The following PACSIN2 variants were observed in gnomAD, a reference collection of about 807,000 sequenced individuals.
The protein encoded by PACSIN2 is protein kinase C and casein kinase substrate in neurons 2, also known as protein kinase C and casein kinase substrate in neurons protein 2.
Under a neutral mutation model 63.8 loss-of-function variants are expected in PACSIN2, and 25 were observed. The ratio of observed to expected loss-of-function variants is 0.39; its 90% CI spans 0.29 to 0.55. PACSIN2 has a LOEUF of 0.55. PACSIN2 is among the 20% of genes least tolerant of loss of function. PACSIN2 has a pLI of 0.62. For synonymous variants in PACSIN2, 255 were observed against 256.2 expected, an observed-to-expected ratio of 1.00 and a Z score of 0.05; for missense variants, 518 against 646.9, an observed-to-expected ratio of 0.80 and a Z score of 2.16.
chr22:42,989,587 G>A (rs1233153561), intron 1 of PACSIN2, among the ~76,000 whole-genome samples: 4 of 150,694 alleles, frequency 2.7e-5, no homozygotes, highest in South Asian at 2.1e-4. Flanking sequence ...ACGAGGTCAC[G>A]AGTTCAAGAC....
chr22:42,951,278 C>CA (rs1338759533), intron 1 of PACSIN2, among the ~76,000 whole-genome samples: 3 of 152,178 alleles, frequency 2.0e-5, no homozygotes, highest in Non-Finnish European at 4.4e-5. Flanking sequence ...TCTCTCTAGA[C>CA]AAGTAATTCC....
chr22:42,898,049 G>C (rs548650265), intron 2 of PACSIN2, among the ~76,000 whole-genome samples: 1 of 152,068 alleles, frequency 6.6e-6, no homozygotes, highest in Non-Finnish European at 1.5e-5. Flanking sequence ...GGCTGGCGGG[G>C]GTGGGGACAT....
chr22:43,003,087 A>G (rs991707426), intron 1 of PACSIN2, among the ~76,000 whole-genome samples: 1 of 152,244 alleles, frequency 6.6e-6, no homozygotes, highest in African/African-American at 2.4e-5. Flanking sequence ...GAGGCAGGAC[A>G]GAGACAACGT....
intron 1 of PACSIN2, among the ~76,000 whole-genome samples, chr22:42,982,897 C>G (rs748455656): frequency 1.3e-5 from 1 of 78,718 alleles, no homozygotes; most frequent in East Asian, 5.7e-4. Flanking sequence ...AAAACAACAA[C>G]AAGGCTAGGA....
chr22:42,941,822 G>A (rs1933177624), intron 1 of PACSIN2, among the ~76,000 whole-genome samples: 1 of 152,148 alleles, frequency 6.6e-6, no homozygotes, highest in Non-Finnish European at 1.5e-5. Flanking sequence ...TGTCACCCAG[G>A]CTGGAGTGCA....
Position 42,884,511 on chromosome 22 carries a change from G to C in PACSIN2, c.660C>G (p.Pro220=), listed in dbSNP as rs1929332139. 6.2e-7 allele frequency: 1 copy of C among 1,614,008 alleles called. No homozygotes were observed. The highest frequency in any genetic ancestry group is 1.1e-5 in the South Asian group (1 of 91,088). The change falls in exon 6 of 11, where the codon CCC becomes CCG. Residue 220 remains proline, a synonymous_variant. Transcript: ENST00000263246. The part of the protein sequence containing the change: ...KSLKELDQGT[P]QYMENMEQVF... ...CCTGCTCCATGTTCTCCATGTACTG[G>C]GGTGTGCCCTGGTCGAGTTCCTTCA...
chr22:42,947,319 A>G (rs577402586), intron 1 of PACSIN2, among the ~76,000 whole-genome samples: 22 of 152,242 alleles, frequency 1.4e-4, no homozygotes, highest in Non-Finnish European at 2.5e-4. Flanking sequence ...ATTATTGACA[A>G]CATGCATGAG....
At chr22:42,952,900 A>C (rs193069876) in intron 1 of PACSIN2, among the ~76,000 whole-genome samples, 5 of 152,082 alleles carry the variant, frequency 3.3e-5, no homozygotes, top group Non-Finnish European at 7.4e-5. Flanking sequence ...TCCTGACCTC[A>C]AGTGATCCAC....
chr22:42,883,772 G>A (rs1055610538), intron 6 of PACSIN2, among the ~76,000 whole-genome samples: 10 of 152,200 alleles, frequency 6.6e-5, no homozygotes, highest in East Asian at 1.9e-4. Flanking sequence ...TTGGAAGGCC[G>A]AGGTGGGCGG....
chr22:42,970,067 C>T (rs571744782), intron 1 of PACSIN2, among the ~76,000 whole-genome samples: 5 of 152,254 alleles, frequency 3.3e-5, no homozygotes, highest in South Asian at 4.1e-4. Flanking sequence ...ACCTGGCATG[C>T]CCCCTTCGAC....
chr22:42,878,470 C>T (rs1928816372), intron 8 of PACSIN2, among the ~76,000 whole-genome samples: 1 of 152,234 alleles, frequency 6.6e-6, no homozygotes, highest in Admixed American at 6.5e-5. Flanking sequence ...CTCTAGCACA[C>T]ACTTTCCAGA....
At chr22:42,999,657 A>G (rs1923640811) in intron 1 of PACSIN2, among the ~76,000 whole-genome samples, 1 of 152,074 alleles carries the variant, frequency 6.6e-6, no homozygotes, top group South Asian at 2.1e-4. Flanking sequence ...AACAAGAATG[A>G]AACTCCATCT....
chr22:42,968,444 GA>G (rs932359296), intron 1 of PACSIN2, among the ~76,000 whole-genome samples: 1 of 152,170 alleles, frequency 6.6e-6, no homozygotes, highest in Non-Finnish European at 1.5e-5. Context: ...TGGGGAAAAA[GA>G]AAATGGGCAA....
intron 2 of PACSIN2, among the ~76,000 whole-genome samples, chr22:42,911,350 C>T (rs1446794082): frequency 6.7e-6 from 1 of 148,888 alleles, no homozygotes; most frequent in Admixed American, 6.8e-5. Flanking sequence ...ATCAAGGCTT[C>T]AGTGAGCCAT....
intron 1 of PACSIN2, among the ~76,000 whole-genome samples, chr22:43,001,131 C>T (rs1219379442): frequency 2.6e-5 from 4 of 152,200 alleles, no homozygotes; most frequent in African/African-American, 9.7e-5. Context: ...TCAGTGCATG[C>T]CATGCCATGC....
chr22:42,889,039 T>G, intron 4 of PACSIN2, among the ~76,000 whole-genome samples: 1 of 152,316 alleles, frequency 6.6e-6, no homozygotes, highest in South Asian at 2.1e-4. Flanking sequence ...AAACACAAGG[T>G]CTTTGTGAAG....
At position 42,876,195 on chromosome 22, in the gene PACSIN2, T is replaced by C; in HGVS notation, c.1290A>G (p.Arg430=). 6.2e-7 allele frequency: 1 copy of C among 1,614,212 alleles called. No homozygotes were observed. The highest frequency in any genetic ancestry group is 1.3e-5 in the African/African-American group (1 of 75,056). ...CCTCATAGTCATACAGGGCCCGGACTCGCACTTCCGTCCCCGAGGTGGCGT... is the reference window on the plus strand; with the variant it reads ...CCTCATAGTCATACAGGGCCCGGACCCGCACTTCCGTCCCCGAGGTGGCGT... ...DDDATSGTEV[R]VRALYDYEGQ... Residue 430 remains arginine (R), a synonymous_variant, in exon 10 of 11, where the codon CGA becomes CGG. Coordinates refer to ENST00000263246, the MANE Select transcript of PACSIN2 (RefSeq NM_001184970.3).
intron 1 of PACSIN2, among the ~76,000 whole-genome samples, chr22:42,959,142 C>T (rs969405696): frequency 2.6e-5 from 4 of 151,986 alleles, no homozygotes; most frequent in African/African-American, 7.2e-5. Flanking sequence ...GGAAGGTGGT[C>T]GGGAGGGGTC....
intron 1 of PACSIN2, among the ~76,000 whole-genome samples, chr22:42,934,992 T>C (rs1363554487): frequency 6.6e-6 from 1 of 152,086 alleles, no homozygotes; most frequent in Non-Finnish European, 1.5e-5. Flanking sequence ...CTCGGCTCAC[T>C]GCAAGCTCCA....
Sources: gnomAD v4.1 joint callset for allele counts (sites outside exome capture counted in the v4.1 genomes callset) on GRCh38, gnomAD v4.1.1 for gene constraint, MANE v1.5 for transcripts, NCBI Gene and HGNC (gene_info 2026-07-23, HGNC 2026-07-21) for gene names.